DGKD: variants seen among roughly 807,000 people sequenced by gnomAD.
The protein encoded by DGKD is diacylglycerol kinase delta.
In DGKD, 68 loss-of-function variants were observed where a neutral mutation model predicts 154.4. That is an observed-to-expected ratio of 0.44 (90% CI 0.36 to 0.54). The LOEUF is 0.54. Among genes scored for constraint, DGKD ranks in the 20% least tolerant of loss-of-function variants. The pLI is 0.00. For missense variants in DGKD, 1,343 were observed against 1,593.6 expected (o/e 0.84, Z 2.68); for synonymous variants, 693 against 638.0 (o/e 1.09, Z -1.30).
chr2:233,458,362 C>G lies in DGKD; in HGVS notation c.2659C>G (p.Arg887Gly). The change falls in exon 22 of 30, where the codon CGA (arginine) becomes GGA (glycine). Residue 887 changes from arginine to glycine, a missense_variant. Physicochemically the swap from Arg to Gly is moderately radical, Grantham distance 125. Around this residue, in one of 6 missense-constraint regions of DGKD, gnomAD observed 429 missense variants for 496.3 expected, o/e 0.86. Transcript: ENST00000264057. The surrounding 1 kb of genome is among the most constrained non-coding windows in gnomAD (Gnocchi z 6.6). ...CGGCAGCATGCAGATGGCCGTCTCT[C>G]GAGTCATCAGGCTACAGCATCATCG... ...VFGSMQMAVS[R>G]VIRLQHHRIA... The G allele has an allele frequency of 6.2e-7, 1 of 1,611,566 alleles. No individual in the cohort carries two copies. The highest frequency in any genetic ancestry group is 1.1e-5 in the South Asian group (1 of 91,044).
chr2:233,402,652 C>T (rs1029434920), intron 3 of DGKD, among the ~76,000 whole-genome samples: 14 of 152,196 alleles, frequency 9.2e-5, no homozygotes, highest in African/African-American at 2.4e-4. Context: ...CATGTCCGGC[C>T]GGCAGCTTGG....
intron 27 of DGKD, 95 bp downstream of exon 27, chr2:233,464,378 CAA>C: frequency 6.6e-7 from 1 of 1,516,428 alleles, no homozygotes; most frequent in Non-Finnish European, 9.0e-7. Flanking sequence ...GCTCTGGGAT[CAA>C]GATCGTGTCG....
rs557618210 is a variant in DGKD, at chr2:233,457,879, AGGTTTAAACCT to A, written c.2581-393_2581-383del. 8.4e-4 allele frequency: 280 copies of A among 335,002 alleles called. No individual in the cohort carries two copies. The highest frequency in any genetic ancestry group is 1.0e-3 in the Non-Finnish European group (174 of 170,614). 20.8% of individuals were successfully genotyped at this position (335,002 alleles called of 1,614,324 possible). ...TTAAGAACTGTGGGAAGGTGTTGAT[AGGTTTAAACCT>A]GGTTTAAACCTTCCTTTGTACGTAA... On this transcript the variant is annotated intron_variant, in intron 21 of 29. Transcript: ENST00000264057. This position sits in a 1 kb window ranked among gnomAD's most constrained non-coding sequence, Gnocchi z 5.5.
intron 5 of DGKD, among the ~76,000 whole-genome samples, chr2:233,435,341 G>C (rs2062653436): frequency 6.6e-6 from 1 of 152,202 alleles, no homozygotes; most frequent in African/African-American, 2.4e-5. Context: ...GGGCTTGTTA[G>C]CTATAGCCTG....
At chr2:233,366,920 A>C (rs1702056707) in intron 1 of DGKD, among the ~76,000 whole-genome samples, 2 of 152,174 alleles carry the variant, frequency 1.3e-5, no homozygotes, top group Non-Finnish European at 2.9e-5. Flanking sequence ...TTTACCTCTA[A>C]ATACCTCAGT....
chr2:233,381,997 G>A (rs1383486691), intron 1 of DGKD, among the ~76,000 whole-genome samples: 1 of 152,240 alleles, frequency 6.6e-6, no homozygotes, highest in Admixed American at 6.5e-5. Context: ...ACTTTGGGAG[G>A]CCGAGGTGGG....
At chr2:233,421,983 TTGGGGGGA>T (rs1311899824) in intron 3 of DGKD, among the ~76,000 whole-genome samples, 1 of 150,672 alleles carries the variant, frequency 6.6e-6, no homozygotes, top group African/African-American at 2.5e-5. Context: ...ACTTGGGAGG[TTGGGGGGA>T]TGGGACAATT....
Position 233,469,579 on chromosome 2 carries a change from G to A in DGKD, c.*119G>A, listed in dbSNP as rs372579972. On this transcript the variant is annotated 3_prime_UTR_variant, in exon 30 of 30. Transcript: ENST00000264057. ...AGGCCCTGGGCAGATGCTGCAGCCC[G>A]CCCCCTTCTCATGGTGCTACTTCCT... The A allele has an allele frequency of 6.1e-5, 50 of 817,940 alleles. No individual in the cohort carries two copies. The highest frequency in any genetic ancestry group is 3.7e-4 in the African/African-American group (22 of 58,868). 50.7% of individuals were successfully genotyped at this position (817,940 alleles called of 1,614,324 possible).
chr2:233,449,216 T>A lies in DGKD; in HGVS notation c.1728T>A (p.Asp576Glu), dbSNP rs773599478. ...PPPTIAEEAE[D>E]GDGSGSICGS... ...CCACCATTGCCGAGGAGGCTGAAGA[T>A]GGAGATGGGTCGGGCAGCATCTGCG... The change falls in exon 15 of 30, where the codon GAT becomes GAA. Residue 576 changes from aspartate to glutamate, a missense_variant. Physicochemically the swap from Asp to Glu is conservative, Grantham distance 45. Transcript: ENST00000264057. This position sits in a 1 kb window ranked among gnomAD's most constrained non-coding sequence, Gnocchi z 5.3. The A allele has an allele frequency of 1.2e-5, 19 of 1,613,826 alleles. No individual in the cohort carries two copies. Among genetic ancestry groups the A allele is most frequent in the Non-Finnish European group, 1.6e-5 (19 of 1,179,922 alleles).
chr2:233,386,170 T>G, intron 1 of DGKD: 1 of 319,088 alleles, frequency 3.1e-6, no homozygotes, highest in Admixed American at 4.1e-5. Context: ...TTTTTTTTTT[T>G]TCCCATTTAG....
intron 17 of DGKD, 32 bp downstream of exon 17, chr2:233,451,082 G>A: frequency 6.3e-7 from 1 of 1,589,420 alleles, no homozygotes; most frequent in Non-Finnish European, 8.6e-7. Context: ...GGACTGGTGG[G>A]GGCCCTAGCA....
intron 3 of DGKD, among the ~76,000 whole-genome samples, 174 bp from the exon 4 acceptor site, chr2:233,434,206 C>G (rs144740758): frequency 1.3e-5 from 2 of 152,256 alleles, no homozygotes; most frequent in African/African-American, 4.8e-5. Context: ...TGAGATCATT[C>G]TTATTTTTAA....
In DGKD at chr2:233,457,757, C is replaced by T. The variant is rs1188842227; in HGVS notation, c.2580+429C>T. The T allele has an allele frequency of 1.6e-5, 6 of 367,972 alleles. No individual in the cohort carries two copies. The highest frequency in any genetic ancestry group is 2.7e-5 in the Non-Finnish European group (5 of 186,156). 22.8% of individuals were successfully genotyped at this position (367,972 alleles called of 1,614,324 possible). A position where few individuals can be genotyped will look rare whatever the true frequency, so the allele number is the denominator to read the frequency against. ...GGAGGATGGGAGAGAGGTGCCCCGA[C>T]TGCAGTGGGCAGCAGGGGCGTGGAG... On this transcript the variant is annotated intron_variant, in intron 21 of 29. Coordinates refer to ENST00000264057, the MANE Select transcript of DGKD (RefSeq NM_152879.3). This position sits in a 1 kb window ranked among gnomAD's most constrained non-coding sequence, Gnocchi z 5.5.
intron 3 of DGKD, among the ~76,000 whole-genome samples, chr2:233,398,558 C>T (rs1291843248): frequency 2.0e-5 from 3 of 152,198 alleles, no homozygotes; most frequent in Admixed American, 6.5e-5. Flanking sequence ...TTTTCATTGA[C>T]TTAGGATTTC....
intron 12 of DGKD, chr2:233,447,644 A>G (rs998764286): frequency 1.0e-6 from 1 of 1,003,682 alleles, no homozygotes; most frequent in Non-Finnish European, 1.2e-6. Flanking sequence ...CCACAGGGAT[A>G]GGGCTGCCCT....
chr2:233,375,786 A>G (rs528653536), intron 1 of DGKD, among the ~76,000 whole-genome samples: 3 of 152,044 alleles, frequency 2.0e-5, no homozygotes, highest in Non-Finnish European at 2.9e-5. Flanking sequence ...TGAATTAATC[A>G]CATCAGCCTG....
Position 233,458,427 on chromosome 2 carries a change from C to T in DGKD, c.2694+30C>T, listed in dbSNP as rs751903887. ...TGGCCATGGTCCTGGGGTGTCTGGC[C>T]GAGTCCCCAGCCCGGAGTGTGCTAA... On this transcript the variant is annotated intron_variant, in intron 22 of 29. Transcript: ENST00000264057. The surrounding 1 kb of genome is among the most constrained non-coding windows in gnomAD (Gnocchi z 6.6). 38 of 1,545,128 alleles carry T rather than the reference C, an allele frequency of 2.5e-5. 2 individuals carry two copies. In the African/African-American group the frequency reaches 3.3e-4, roughly 13 times the overall value.
At chr2:233,395,712 G>A (rs770573247) in intron 3 of DGKD, among the ~76,000 whole-genome samples, 62 of 145,282 alleles carry the variant, frequency 4.3e-4, no homozygotes, top group Non-Finnish European at 6.4e-4. Flanking sequence ...TCTGTCGCCC[G>A]GGCTGGAGTG....
chr2:233,421,191 G>T (rs2125545502), intron 3 of DGKD, among the ~76,000 whole-genome samples: 1 of 152,220 alleles, frequency 6.6e-6, no homozygotes, highest in South Asian at 2.1e-4. Context: ...CGGACCTGCT[G>T]GCCCTGCCGC....
Sources: gnomAD v4.1 joint callset for allele counts (sites outside exome capture counted in the v4.1 genomes callset) on GRCh38, gnomAD v4.1.1 for gene constraint, gnomAD v4.1.1 regional missense constraint, Gnocchi (gnomAD v3.1) non-coding constraint, MANE v1.5 for transcripts, NCBI Gene and HGNC (gene_info 2026-07-23, HGNC 2026-07-21) for gene names.